KCTD16: variants seen among roughly 807,000 people sequenced by gnomAD.
KCTD16 encodes BTB/POZ domain-containing protein KCTD16.
Under a neutral mutation model 33.2 loss-of-function variants are expected in KCTD16, and 13 were observed. The observed-to-expected ratio is 0.39, with a 90% confidence interval of 0.25 to 0.62. The LOEUF (loss-of-function observed/expected upper bound fraction) is 0.62. Ranked by LOEUF, KCTD16 falls within the 20% of genes least tolerant of loss-of-function variation. The pLI, the probability that KCTD16 is intolerant of heterozygous loss-of-function variation, is 0.50. For missense variants in KCTD16, 441 were observed against 525.1 expected (o/e 0.84, Z 1.57); for synonymous variants, 197 against 195.3 (o/e 1.01, Z -0.07).
At chr5:144,185,998 C>G (rs1752717558) in intron 2 of KCTD16, among the ~76,000 whole-genome samples, 1 of 152,062 alleles carries the variant, frequency 6.6e-6, no homozygotes, top group Non-Finnish European at 1.5e-5. Flanking sequence ...ATAACTTGCC[C>G]TAGGTGACCC....
At chr5:144,429,802 C>T (rs1476057591) in intron 3 of KCTD16, among the ~76,000 whole-genome samples, 2 of 151,952 alleles carry the variant, frequency 1.3e-5, no homozygotes, top group Non-Finnish European at 2.9e-5. Flanking sequence ...GTGAACAAGG[C>T]AGACAGGAAT....
At chr5:144,278,517 G>A (rs1755503851) in intron 3 of KCTD16, among the ~76,000 whole-genome samples, 2 of 133,416 alleles carry the variant, frequency 1.5e-5, no homozygotes, top group African/African-American at 5.8e-5. Context: ...TTGAGACGGA[G>A]TCTCGCTCTG....
Position 144,372,811 on chromosome 5 carries a change from A to G in KCTD16, c.833-100849A>G, listed in dbSNP as rs1751998828. On this transcript the variant is annotated intron_variant, in intron 3 of 3. Coordinates refer to ENST00000512467, the MANE Select transcript of KCTD16 (RefSeq NM_020768.4). Reference sequence around the variant, plus strand: ...TGGAAATGCCAGATAATGAAATACCATGGCAGGCCCTTTGGAGGGCTGTTA... The same window carrying G: ...TGGAAATGCCAGATAATGAAATACCGTGGCAGGCCCTTTGGAGGGCTGTTA... Among the ~76,000 whole-genome samples the G allele has an allele frequency of 3.3e-5, 5 of 152,312 alleles. No individual in the cohort carries two copies. In the South Asian group the frequency reaches 1.0e-3, roughly 32 times the overall value.
At chr5:144,415,895 C>A (rs1321798984) in intron 3 of KCTD16, among the ~76,000 whole-genome samples, 2 of 152,066 alleles carry the variant, frequency 1.3e-5, no homozygotes, top group African/African-American at 4.8e-5. Context: ...ATGCCTCTGA[C>A]CTGAAGGAAA....
chr5:144,400,948 T>G (rs1211724623), intron 3 of KCTD16, among the ~76,000 whole-genome samples: 1 of 152,084 alleles, frequency 6.6e-6, no homozygotes, highest in African/African-American at 2.4e-5. Context: ...ATGCAAAAGC[T>G]TTACATATTG....
At chr5:144,196,530 G>A (rs1012412542) in intron 2 of KCTD16, among the ~76,000 whole-genome samples, 4 of 152,076 alleles carry the variant, frequency 2.6e-5, no homozygotes, top group African/African-American at 9.7e-5. Context: ...CTATCCAGGA[G>A]TAATTGCAGC....
intron 3 of KCTD16, among the ~76,000 whole-genome samples, chr5:144,247,354 C>T (rs181691519): frequency 1.9e-4 from 29 of 152,298 alleles, no homozygotes; most frequent in Admixed American, 1.9e-3. Flanking sequence ...AACTCAGGCA[C>T]ACAGAGAGAC....
chr5:144,283,850 T>C (rs1309517275), intron 3 of KCTD16, among the ~76,000 whole-genome samples: 2 of 152,170 alleles, frequency 1.3e-5, no homozygotes, highest in Non-Finnish European at 2.9e-5. Flanking sequence ...AGGTACTAGG[T>C]TGTATCAGTA....
intron 3 of KCTD16, among the ~76,000 whole-genome samples, chr5:144,381,913 G>A (rs1355646797): frequency 1.3e-5 from 2 of 152,108 alleles, no homozygotes; most frequent in African/African-American, 4.8e-5. Context: ...CTTCTAAGAA[G>A]CCACATGCAC....
intron 3 of KCTD16, among the ~76,000 whole-genome samples, chr5:144,254,225 C>T (rs1450194739): frequency 6.6e-6 from 1 of 152,090 alleles, no homozygotes; most frequent in Non-Finnish European, 1.5e-5. Flanking sequence ...GGAAGCTCCA[C>T]CCCCGGGTTC....
chr5:144,270,419 A>G (rs373611960), intron 3 of KCTD16, among the ~76,000 whole-genome samples: 1 of 151,958 alleles, frequency 6.6e-6, no homozygotes, highest in Non-Finnish European at 1.5e-5. Context: ...TTGTGGAAAC[A>G]TACAAGCAAT....
At chr5:144,464,907 C>T (rs890447109) in intron 3 of KCTD16, among the ~76,000 whole-genome samples, 90 of 152,234 alleles carry the variant, frequency 5.9e-4, no homozygotes, top group African/African-American at 2.1e-3. Flanking sequence ...GAGATTTATT[C>T]TTCTCCCAAA....
At chr5:144,418,122 C>T (rs1301411524) in intron 3 of KCTD16, among the ~76,000 whole-genome samples, 36 of 152,134 alleles carry the variant, frequency 2.4e-4, no homozygotes, top group Admixed American at 2.4e-3. Context: ...TTGGTAGGTT[C>T]TCCTGCCCTC....
At chr5:144,245,357 G>A (rs905169418) in intron 3 of KCTD16, among the ~76,000 whole-genome samples, 12 of 152,182 alleles carry the variant, frequency 7.9e-5, no homozygotes, top group Non-Finnish European at 2.9e-5. Context: ...AGAAGTCAAG[G>A]AAAACATCCG....
chr5:144,417,402 C>A (rs527880941), intron 3 of KCTD16, among the ~76,000 whole-genome samples: 1 of 151,970 alleles, frequency 6.6e-6, no homozygotes, highest in African/African-American at 2.4e-5. Context: ...GTGTTTGTTG[C>A]CCATTTGCAT....
In KCTD16 at chr5:144,368,123, A is replaced by C. The variant is rs572826382; in HGVS notation, c.833-105537A>C. Among the ~76,000 whole-genome samples, 190 of 152,090 alleles carry C rather than the reference A, an allele frequency of 1.2e-3. 2 individuals are homozygous for C. Among genetic ancestry groups the C allele is most frequent in the African/African-American group, 4.2e-3 (174 of 41,470 alleles). ...CTTGTAGAGGAGCCCATGAACAATA[A>C]TTAAGCGAGAGTAACTCCTGCATAT... On this transcript the variant is annotated intron_variant, in intron 3 of 3. Transcript: ENST00000512467.
chr5:144,403,415 A>G (rs1448913357), intron 3 of KCTD16, among the ~76,000 whole-genome samples: 1 of 152,216 alleles, frequency 6.6e-6, no homozygotes, highest in Non-Finnish European at 1.5e-5. Flanking sequence ...CTGTGAAGAC[A>G]CATAGACAGA....
At chr5:144,180,994 G>C (rs1752611663) in intron 2 of KCTD16, among the ~76,000 whole-genome samples, 1 of 151,010 alleles carries the variant, frequency 6.6e-6, no homozygotes. Context: ...GTGCAGTGGC[G>C]CGATCTCGGC....
chr5:144,203,244 C>A (rs1417907175), intron 2 of KCTD16, among the ~76,000 whole-genome samples: 1 of 151,722 alleles, frequency 6.6e-6, no homozygotes, highest in Non-Finnish European at 1.5e-5. Flanking sequence ...AATATTAATA[C>A]TCTTTTTAAG....
Sources: allele counts gnomAD v4.1 joint callset (sites outside exome capture counted in the v4.1 genomes callset), GRCh38; gene constraint gnomAD v4.1.1; transcripts MANE v1.5; gene names NCBI Gene and HGNC (gene_info 2026-07-23, HGNC 2026-07-21).